TMEM132E: variants seen among roughly 807,000 people sequenced by gnomAD.
TMEM132E encodes transmembrane protein 132E.
In TMEM132E, 49 loss-of-function variants were observed where a neutral mutation model predicts 78.5. The observed-to-expected ratio is 0.62, with a 90% CI of 0.50 to 0.79. The LOEUF is 0.79. TMEM132E is among the 30% of genes least tolerant of loss of function. The probability of loss-of-function intolerance (pLI) is 0.00; values close to 1 mark genes in which losing one functional copy is unlikely to be tolerated. For missense variants in TMEM132E, 1,403 were observed against 1,470.9 expected, an observed-to-expected ratio of 0.95 and a Z score of 0.75; for synonymous variants, 715 against 670.6, an observed-to-expected ratio of 1.07 and a Z score of -1.02.
At chr17:34,634,083 G>C (rs1416443374) in intron 6 of TMEM132E, among the ~76,000 whole-genome samples, 3 of 152,160 alleles carry the variant, frequency 2.0e-5, no homozygotes, top group Admixed American at 2.0e-4. Context: ...GAATATTCTG[G>C]TTGCTTGATC....
intron 1 of TMEM132E, among the ~76,000 whole-genome samples, chr17:34,607,094 C>T (rs768053142): frequency 3.9e-5 from 6 of 152,198 alleles, no homozygotes; most frequent in Admixed American, 6.5e-5. Context: ...GAGCTCAGTA[C>T]GCTACAAGGC....
chr17:34,615,268 G>A lies in TMEM132E; in HGVS notation c.68-10859G>A, dbSNP rs1026706572. The stretch of plus-strand genomic sequence containing the variant: ...TTCAGGCTTTCAGGAAGCAGACCTA[G>A]CCCCCAAGTTAGCTGAGCTTGATTC... On this transcript the variant is annotated intron_variant, in intron 1 of 8. Coordinates refer to ENST00000631683, the MANE Select transcript of TMEM132E (RefSeq NM_001304438.2). 2.6e-5 allele frequency among the ~76,000 whole-genome samples: 4 copies of A among 152,218 alleles called. No individual in the cohort carries two copies. The South Asian group carries it at 8.3e-4, about 32-fold the overall frequency.
At position 34,629,954 on chromosome 17, in the gene TMEM132E, G is replaced by A. The variant is rs143480712; in HGVS notation, c.1339-54G>A. On this transcript the variant is annotated intron_variant, in intron 4 of 8. Transcript: ENST00000631683. ...CAGGAGCTGGGGCCTTGGCTAGTGT[G>A]TCCCAGGACAGAAGGGGACCACAAG... is the stretch of plus-strand genomic sequence containing the variant. 7.6e-3 allele frequency: 11,737 copies of A among 1,550,530 alleles called. 520 individuals are homozygous for A. The South Asian group carries it at 0.089, about 12-fold the overall frequency.
intron 2 of TMEM132E, among the ~76,000 whole-genome samples, chr17:34,628,308 A>C (rs1319858344): frequency 6.6e-6 from 1 of 152,226 alleles, no homozygotes. Context: ...AAGGTATGCC[A>C]GTAGAGATTA....
chr17:34,635,843 C>T lies in TMEM132E; in HGVS notation c.1978-164C>T, dbSNP rs560590365. On this transcript the variant is annotated intron_variant, in intron 7 of 8. Transcript: ENST00000631683. ...CTCTCATGACCTCTGGACACTGGTT[C>T]CTGGTTGCAGACCTGAGGCAGAGCT... 19 of 574,326 alleles carry T rather than the reference C, an allele frequency of 3.3e-5. No individual in the cohort carries two copies. The South Asian group carries it at 1.1e-3, about 32-fold the overall frequency. The allele number at this position is 574,326 out of a possible 1,614,324, so 35.6% of individuals were successfully genotyped here. A position where few individuals can be genotyped will look rare whatever the true frequency, so the allele number is the denominator to read the frequency against.
At chr17:34,596,192 G>A (rs995231443) in intron 1 of TMEM132E, among the ~76,000 whole-genome samples, 5 of 152,206 alleles carry the variant, frequency 3.3e-5, no homozygotes, top group African/African-American at 9.7e-5. Context: ...TGAAGATCAG[G>A]TTCTTGTTCC....
chr17:34,638,321 T>C lies in TMEM132E; in HGVS notation c.*89T>C. On this transcript the variant is annotated 3_prime_UTR_variant, in exon 9 of 9. Transcript: ENST00000631683. ...CCGGGACCCCGGTTCACACTGACTC[T>C]GGGCGGCTGAATTGATTTTGTACTC... is the stretch of plus-strand genomic sequence containing the variant. 7.5e-7 allele frequency: 1 copy of C among 1,336,016 alleles called. No homozygotes were observed. The highest frequency in any genetic ancestry group is 1.0e-6 in the Non-Finnish European group (1 of 1,000,062). 82.8% of individuals were successfully genotyped at this position (1,336,016 alleles called of 1,614,324 possible).
At chr17:34,595,024 A>C (rs1202862820) in intron 1 of TMEM132E, among the ~76,000 whole-genome samples, 2 of 152,210 alleles carry the variant, frequency 1.3e-5, no homozygotes, top group African/African-American at 4.8e-5. Flanking sequence ...AGGGTGCTGG[A>C]GGAGCAGGGA....
Position 34,581,006 on chromosome 17 carries a change from C to T in TMEM132E, c.-71C>T, listed in dbSNP as rs1905451791. 2 of 1,387,850 alleles carry T rather than the reference C, an allele frequency of 1.4e-6. No individual in the cohort carries two copies. The highest frequency in any genetic ancestry group is 1.8e-4 in the Middle Eastern group (1 of 5,466). The allele number at this position is 1,387,850 out of a possible 1,614,324, so 86.0% of individuals were successfully genotyped here. ...CACGGCAGCCCTGAGTTGGATGTGA[C>T]CAAGCCCAGCCTGGGGCCAAGTCGT... On this transcript the variant is annotated 5_prime_UTR_variant, in exon 1 of 9. Coordinates refer to ENST00000631683, the MANE Select transcript of TMEM132E (RefSeq NM_001304438.2).
At chr17:34,598,874 C>T (rs1008097298) in intron 1 of TMEM132E, among the ~76,000 whole-genome samples, 1 of 152,158 alleles carries the variant, frequency 6.6e-6, no homozygotes, top group Non-Finnish European at 1.5e-5. Context: ...CTACAGCACT[C>T]TTGATTGTCC....
Position 34,638,265 on chromosome 17 carries a change from C to A in TMEM132E, c.*33C>A, listed in dbSNP as rs370822986. On this transcript the variant is annotated 3_prime_UTR_variant, in exon 9 of 9. Transcript: ENST00000631683. The stretch of plus-strand genomic sequence containing the variant: ...AGCCGGAGTAGCAGGGACCCCCCCC[C>A]CCAACGGGGTCAGCTCGGGGTAGGA... 1.0e-3 allele frequency: 1,517 copies of A among 1,470,662 alleles called. 44 individuals carry two copies. The East Asian group carries it at 0.024, about 23-fold the overall frequency. 91.1% of individuals were successfully genotyped at this position (1,470,662 alleles called of 1,614,324 possible).
At chr17:34,588,229 C>T (rs1375462878) in intron 1 of TMEM132E, among the ~76,000 whole-genome samples, 3 of 152,186 alleles carry the variant, frequency 2.0e-5, no homozygotes, top group African/African-American at 7.2e-5. Context: ...AGAGCATATC[C>T]ACCACTTCTT....
At position 34,632,670 on chromosome 17, in the gene TMEM132E, G is replaced by C. The variant is rs371669737; in HGVS notation, c.1483-34G>C. The C allele has an allele frequency of 9.9e-6, 16 of 1,612,396 alleles. No homozygotes were observed. In the South Asian group the frequency reaches 1.5e-4, roughly 16 times the overall value. On this transcript the variant is annotated intron_variant, in intron 5 of 8. Transcript: ENST00000631683. ...CACTGCCTCACAGGAAGACCTGTAG[G>C]GAAGATGTGCCAACTGTTCCTCCCT...
chr17:34,608,926 C>T (rs926311487), intron 1 of TMEM132E, among the ~76,000 whole-genome samples: 1 of 152,170 alleles, frequency 6.6e-6, no homozygotes, highest in Non-Finnish European at 1.5e-5. Context: ...TCCCATCTAG[C>T]ACTCGCAGCA....
rs1482357729 is a variant in TMEM132E at position 34,637,654 on chromosome 17, G to A, written c.2647G>A (p.Gly883Ser). The change falls in exon 9 of 9, where the codon GGT becomes AGT. Residue 883 changes from glycine (G) to serine (S), a missense_variant. Coordinates refer to ENST00000631683, the MANE Select transcript of TMEM132E (RefSeq NM_001304438.2). ...LPTGFLQVPRGLTDLEIGMYA... is the reference protein window; with the variant it reads ...LPTGFLQVPRSLTDLEIGMYA... Reference sequence around the variant, plus strand: ...CACCGGCTTCCTGCAGGTGCCACGGGGTCTGACAGACCTGGAGATCGGCAT... The same window carrying A: ...CACCGGCTTCCTGCAGGTGCCACGGAGTCTGACAGACCTGGAGATCGGCAT... 2.5e-6 allele frequency: 4 copies of A among 1,608,336 alleles called. No individual in the cohort carries two copies. The highest frequency in any genetic ancestry group is 2.2e-5 in the South Asian group (2 of 91,030).
intron 2 of TMEM132E, 61 bp downstream of exon 2, chr17:34,627,118 C>G (rs1453664964): frequency 6.7e-7 from 1 of 1,501,994 alleles, no homozygotes. Context: ...ATACCTGACT[C>G]CTTGTGGGTG....
rs750341419 is a variant in TMEM132E at position 34,638,005 on chromosome 17, G to A, written c.2998G>A (p.Glu1000Lys). ...GGGCGGCTCAGCCCGAGACCAAGCCGAGGACCCCGCCAGCTCGCCCACCTC... is the reference window on the plus strand; with the variant it reads ...GGGCGGCTCAGCCCGAGACCAAGCCAAGGACCCCGCCAGCTCGCCCACCTC... ...SSGGSARDQA[E>K]DPASSPTSKR... The change falls in exon 9 of 9, where the codon GAG (glutamate) becomes AAG (lysine). Residue 1000 changes from glutamate (E) to lysine (K), a missense_variant. Glu to Lys is a moderately conservative substitution (Grantham distance 56). Coordinates refer to ENST00000631683, the MANE Select transcript of TMEM132E (RefSeq NM_001304438.2). 19 of 1,581,280 alleles carry A rather than the reference G, an allele frequency of 1.2e-5. No individual in the cohort carries two copies. The highest frequency in any genetic ancestry group is 1.1e-4 in the South Asian group (10 of 87,878).
intron 1 of TMEM132E, among the ~76,000 whole-genome samples, chr17:34,595,645 A>T (rs964353595): frequency 6.6e-6 from 1 of 152,248 alleles, no homozygotes; most frequent in African/African-American, 2.4e-5. Flanking sequence ...TGTTTTAAAG[A>T]TGGGAAAACC....
At chr17:34,597,193 C>G (rs1382426640) in intron 1 of TMEM132E, among the ~76,000 whole-genome samples, 4 of 152,140 alleles carry the variant, frequency 2.6e-5, no homozygotes, top group African/African-American at 7.2e-5. Flanking sequence ...CTTCCCTCAT[C>G]AGTCTGGGGA....
Sources: allele counts gnomAD v4.1 joint callset (sites outside exome capture counted in the v4.1 genomes callset), GRCh38; gene constraint gnomAD v4.1.1; transcripts MANE v1.5; gene names NCBI Gene and HGNC (gene_info 2026-07-23, HGNC 2026-07-21).